Variants in FRMD4A observed in about 807,000 individuals in gnomAD.
FRMD4A encodes the protein FERM domain-containing protein 4A.
FRMD4A carries 29 observed loss-of-function variants against 129.1 expected under a neutral mutation model. The observed-to-expected ratio is 0.22, with a 90% confidence interval of 0.17 to 0.31. The LOEUF (loss-of-function observed/expected upper bound fraction) is 0.31. Ranked by LOEUF, FRMD4A falls within the 10% of genes least tolerant of loss-of-function variation. FRMD4A has a pLI of 1.00. For synonymous variants in FRMD4A, 634 were observed against 571.6 expected (o/e 1.11, Z -1.56); for missense variants, 1,272 against 1,375.8 (o/e 0.92, Z 1.19).
intron 2 of FRMD4A, among the ~76,000 whole-genome samples, chr10:14,173,603 G>A (rs1055600602): frequency 3.3e-5 from 5 of 151,894 alleles, no homozygotes; most frequent in African/African-American, 4.8e-5. Flanking sequence ...ATTTCAAGTG[G>A]GAGCTGGGCA....
chr10:14,063,613 T>C (rs1483179036), intron 2 of FRMD4A, among the ~76,000 whole-genome samples: 1 of 152,028 alleles, frequency 6.6e-6, no homozygotes, highest in Non-Finnish European at 1.5e-5. Context: ...ATACTCTTTG[T>C]AATTCTGTTG....
At chr10:13,659,545 G>C (rs1040864690) in intron 20 of FRMD4A, 55 bp from the exon 21 acceptor site, 7 of 1,547,552 alleles carry the variant, frequency 4.5e-6, no homozygotes, top group South Asian at 2.3e-5. Flanking sequence ...ACCTTTCCTG[G>C]GGGGCTGGCT....
intron 2 of FRMD4A, among the ~76,000 whole-genome samples, chr10:14,021,779 T>C (rs576388123): frequency 6.6e-6 from 1 of 152,216 alleles, no homozygotes; most frequent in East Asian, 1.9e-4. Context: ...TTATGGACTT[T>C]TGTGCACCTC....
intron 9 of FRMD4A, among the ~76,000 whole-genome samples, chr10:13,742,235 T>C (rs944624744): frequency 6.6e-6 from 1 of 152,204 alleles, no homozygotes; most frequent in Non-Finnish European, 1.5e-5. Flanking sequence ...GAAGTGACTC[T>C]GGTGCCCATG....
intron 2 of FRMD4A, among the ~76,000 whole-genome samples, chr10:13,913,040 C>G (rs1023823723): frequency 1.3e-5 from 2 of 148,678 alleles, no homozygotes; most frequent in South Asian, 4.3e-4. Context: ...ACCATTGCAC[C>G]GTAGCCTGGG....
At chr10:13,932,124 A>T (rs1319053230) in intron 2 of FRMD4A, among the ~76,000 whole-genome samples, 1 of 152,238 alleles carries the variant, frequency 6.6e-6, no homozygotes, top group Non-Finnish European at 1.5e-5. Flanking sequence ...CCCTGAGAAA[A>T]CATTTTTGTC....
intron 5 of FRMD4A, among the ~76,000 whole-genome samples, chr10:13,791,044 C>T (rs908479808): frequency 5.3e-5 from 8 of 152,128 alleles, no homozygotes; most frequent in African/African-American, 7.2e-5. Flanking sequence ...TCCTCTGAGA[C>T]GCTCATGCAT....
chr10:14,317,419 C>G (rs909040210), intron 2 of FRMD4A, among the ~76,000 whole-genome samples: 15 of 152,200 alleles, frequency 9.9e-5, no homozygotes, highest in Non-Finnish European at 1.0e-4. Flanking sequence ...GAACCTTCAG[C>G]TCTACTTTAG....
chr10:14,236,826 C>T lies in FRMD4A; in HGVS notation c.45+93232G>A, dbSNP rs530467555. ...GCTATTTAAGAATGAGGACAGCTAA[C>T]GTTTCAAGGAGGATCCACCCTGCTC... On this transcript the variant is annotated intron_variant, in intron 2 of 24. Coordinates refer to ENST00000357447, the MANE Select transcript of FRMD4A (RefSeq NM_018027.5). 9.9e-5 allele frequency among the ~76,000 whole-genome samples: 15 copies of T among 152,138 alleles called. No homozygotes were observed. The South Asian group carries it at 2.3e-3, about 23-fold the overall frequency.
At chr10:13,860,448 C>T (rs1013189785) in intron 2 of FRMD4A, among the ~76,000 whole-genome samples, 13 of 152,204 alleles carry the variant, frequency 8.5e-5, no homozygotes, top group African/African-American at 2.9e-4. Flanking sequence ...ATAGCTCCAA[C>T]GCTCCTCTCT....
chr10:14,278,725 A>T (rs1224973233), intron 2 of FRMD4A, among the ~76,000 whole-genome samples: 1 of 152,184 alleles, frequency 6.6e-6, no homozygotes, highest in Non-Finnish European at 1.5e-5. Context: ...GACCACGAGA[A>T]AGAGGCTGTG....
At chr10:13,954,671 A>G (rs1027704169) in intron 2 of FRMD4A, among the ~76,000 whole-genome samples, 2 of 152,030 alleles carry the variant, frequency 1.3e-5, no homozygotes, top group Non-Finnish European at 2.9e-5. Flanking sequence ...GTCACCATCC[A>G]TGCATGGCAG....
At chr10:13,754,289 C>A (rs1239264233) in intron 8 of FRMD4A, among the ~76,000 whole-genome samples, 4 of 149,920 alleles carry the variant, frequency 2.7e-5, no homozygotes, top group African/African-American at 2.4e-5. Context: ...TATCATCCTG[C>A]AAAAAAAAAA....
At chr10:13,924,924 C>G (rs985740134) in intron 2 of FRMD4A, among the ~76,000 whole-genome samples, 2 of 151,792 alleles carry the variant, frequency 1.3e-5, no homozygotes, top group Non-Finnish European at 2.9e-5. Flanking sequence ...ATTAGCTAGG[C>G]GTGGTGGCGG....
intron 4 of FRMD4A, among the ~76,000 whole-genome samples, chr10:13,809,377 AAACTTAGGG>A (rs1296600725): frequency 2.6e-5 from 4 of 152,314 alleles, no homozygotes; most frequent in South Asian, 4.1e-4. Flanking sequence ...TGATTAATTG[AAACTTAGGG>A]TTTCCTTCTG....
rs559056655 is a variant in FRMD4A, at chr10:13,827,016, G to A, written c.112-16108C>T. On this transcript the variant is annotated intron_variant, in intron 3 of 24. Coordinates refer to ENST00000357447, the MANE Select transcript of FRMD4A (RefSeq NM_018027.5). ...ATTCTATATTCTACATACTTCCAAA[G>A]GTTTAGAGGAGGTTTACGGAATTCA... Among the ~76,000 whole-genome samples the A allele has an allele frequency of 8.5e-5, 13 of 152,212 alleles. No individual in the cohort carries two copies. The South Asian group carries it at 2.7e-3, about 32-fold the overall frequency.
At chr10:14,231,961 T>A (rs1843654139) in intron 2 of FRMD4A, among the ~76,000 whole-genome samples, 1 of 152,254 alleles carries the variant, frequency 6.6e-6, no homozygotes, top group African/African-American at 2.4e-5. Context: ...AATTTTGTTT[T>A]CATGGTAATT....
At position 13,657,076 on chromosome 10, in the gene FRMD4A, G is replaced by A. The variant is rs780750234; in HGVS notation, c.2513C>T (p.Pro838Leu). 7 of 1,577,816 alleles carry A rather than the reference G, an allele frequency of 4.4e-6. No individual in the cohort carries two copies. Among genetic ancestry groups the A allele is most frequent in the East Asian group, 4.7e-5 (2 of 42,884 alleles). ...PSSQYRIKEY[P>L]LYIEGGATPV... is the part of the protein sequence containing the mutation. ...CGTGGCGCCGCCCTCGATGTACAGC[G>A]GGTACTCCTTGATGCGGTACTGCGA... is the stretch of plus-strand genomic sequence containing the variant. The change falls in exon 22 of 25, where the codon CCG (proline) becomes CTG (leucine). Residue 838 changes from proline (P) to leucine (L), a missense_variant. Pro to Leu is a moderately conservative substitution (Grantham distance 98). Around this residue, in one of 2 missense-constraint regions of FRMD4A, gnomAD observed 972 missense variants for 892.3 expected, o/e 1.09. Coordinates refer to ENST00000357447, the MANE Select transcript of FRMD4A (RefSeq NM_018027.5).
chr10:14,198,516 C>T (rs755619771), intron 2 of FRMD4A, among the ~76,000 whole-genome samples: 1 of 152,220 alleles, frequency 6.6e-6, no homozygotes, highest in Admixed American at 6.5e-5. Context: ...CTTTGAGGAG[C>T]AAGCCAATTT....
Sources: allele counts gnomAD v4.1 joint callset (sites outside exome capture counted in the v4.1 genomes callset), GRCh38; gene constraint gnomAD v4.1.1; regional missense constraint gnomAD v4.1.1; transcripts MANE v1.5; gene names NCBI Gene and HGNC (gene_info 2026-07-23, HGNC 2026-07-21).